The following CCDC117 variants were observed in gnomAD, a reference collection of about 807,000 sequenced individuals.
CCDC117 encodes coiled-coil domain-containing protein 117.
Under a neutral mutation model 23.5 loss-of-function variants are expected in CCDC117, and 1 was observed. The ratio of observed to expected loss-of-function variants is 0.04; its 90% CI spans 0.02 to 0.20. The LOEUF is 0.20. Among genes scored for constraint, CCDC117 ranks in the 10% least tolerant of loss-of-function variants. The pLI, the probability that CCDC117 is intolerant of heterozygous loss-of-function variation, is 1.00. For synonymous variants in CCDC117, 132 were observed against 124.8 expected (o/e 1.06, Z -0.39); for missense variants, 383 against 348.2 (o/e 1.10, Z -0.80).
intron 2 of CCDC117, among the ~76,000 whole-genome samples, chr22:28,778,650 T>G (rs2031238436): frequency 6.6e-6 from 1 of 152,332 alleles, no homozygotes; most frequent in East Asian, 1.9e-4. Flanking sequence ...CGGTTCTCTC[T>G]TAAGATGTTA....
chr22:28,782,773 T>G (rs1480390396), intron 3 of CCDC117, among the ~76,000 whole-genome samples: 1 of 152,036 alleles, frequency 6.6e-6, no homozygotes, highest in South Asian at 2.1e-4. Context: ...GGTTTTGTGA[T>G]GTTGGCCAGG....
chr22:28,778,119 C>T (rs2031223692), intron 2 of CCDC117, among the ~76,000 whole-genome samples: 2 of 152,092 alleles, frequency 1.3e-5, no homozygotes, highest in South Asian at 4.1e-4. Context: ...TGGCCTCGGC[C>T]TCCCAAAGTG....
intron 3 of CCDC117, among the ~76,000 whole-genome samples, chr22:28,782,251 T>C (rs902152412): frequency 7.4e-5 from 4 of 53,716 alleles, no homozygotes; most frequent in Admixed American, 1.6e-4. Context: ...CTACTGAGCC[T>C]TTTTTTTTTT....
intron 2 of CCDC117, among the ~76,000 whole-genome samples, chr22:28,776,155 T>C (rs2031155995): frequency 6.6e-6 from 1 of 152,088 alleles, no homozygotes; most frequent in Non-Finnish European, 1.5e-5. Flanking sequence ...ATGCCTGTAA[T>C]CCCAGCACTT....
At chr22:28,781,846 T>C (rs2031347178) in intron 3 of CCDC117, among the ~76,000 whole-genome samples, 1 of 151,412 alleles carries the variant, frequency 6.6e-6, no homozygotes, top group African/African-American at 2.4e-5. Context: ...TTTCTCCATT[T>C]TGGTCAGGCT....
chr22:28,773,603 A>G, intron 1 of CCDC117, 122 bp from the exon 2 acceptor site: 1 of 755,160 alleles, frequency 1.3e-6, no homozygotes. Flanking sequence ...CCATCCCACT[A>G]GGCTCAGAAA....
chr22:28,784,340 C>T (rs1346211303), intron 4 of CCDC117, among the ~76,000 whole-genome samples: 2 of 152,180 alleles, frequency 1.3e-5, no homozygotes, highest in African/African-American at 4.8e-5. Flanking sequence ...AATGATTAGC[C>T]CAGCTCTAAT....
At position 28,786,072 on chromosome 22, in the gene CCDC117, T is replaced by C. The variant is rs1220510569; in HGVS notation, c.603-17T>C. On this transcript the variant is annotated splice_polypyrimidine_tract_variant and intron_variant, in intron 4 of 4. Transcript: ENST00000249064. Reference sequence around the variant, plus strand: ...GTCCTAAAATTTTTTGATAAAAGTCTGTATTTTATGTCTTAGGAGCCGTCC... The same window carrying C: ...GTCCTAAAATTTTTTGATAAAAGTCCGTATTTTATGTCTTAGGAGCCGTCC... The C allele has an allele frequency of 1.3e-6, 2 of 1,561,866 alleles. No homozygotes were observed. Among genetic ancestry groups the C allele is most frequent in the Admixed American group, 4.2e-5 (2 of 47,750 alleles).
At chr22:28,773,062 A>AGGGC (rs139091725) in intron 1 of CCDC117, 28 bp downstream of exon 1, 42 of 597,834 alleles carry the variant, frequency 7.0e-5, no homozygotes, top group Middle Eastern at 6.9e-4. Context: ...CGCAGGGCGC[A>AGGGC]GGGCGGGCGG....
chr22:28,784,471 C>T (rs1239507061), intron 4 of CCDC117, among the ~76,000 whole-genome samples: 1 of 152,160 alleles, frequency 6.6e-6, no homozygotes, highest in Non-Finnish European at 1.5e-5. Context: ...TCAATAAGGG[C>T]AAGTTTCAGG....
chr22:28,777,632 C>G (rs998180842), intron 2 of CCDC117, among the ~76,000 whole-genome samples: 1 of 151,510 alleles, frequency 6.6e-6, no homozygotes, highest in African/African-American at 2.4e-5. Context: ...GCCTCAGCCT[C>G]GCGAGTTGCT....
chr22:28,773,682 C>A, intron 1 of CCDC117, 43 bp from the exon 2 acceptor site: 1 of 1,509,108 alleles, frequency 6.6e-7, no homozygotes, highest in Non-Finnish European at 9.2e-7. Flanking sequence ...ACCACAAGCT[C>A]GAGTACATTT....
chr22:28,772,715 T>G lies in CCDC117; in HGVS notation c.-135T>G. On this transcript the variant is annotated 5_prime_UTR_variant, in exon 1 of 5. Transcript: ENST00000249064. ...CCCCCGAGCGGCCTGAGGTGGAGGG[T>G]TCTAGAAGGCGTGACGTGGGGTCGA... 1.5e-6 allele frequency: 1 copy of G among 646,534 alleles called. No homozygotes were observed. The highest frequency in any genetic ancestry group is 2.2e-6 in the Non-Finnish European group (1 of 462,886). 40.0% of individuals were successfully genotyped at this position (646,534 alleles called of 1,614,324 possible).
rs1369652646 is a variant in CCDC117 at position 28,785,989 on chromosome 22, A to G, written c.603-100A>G. On this transcript the variant is annotated intron_variant, in intron 4 of 4. Coordinates refer to ENST00000249064, the MANE Select transcript of CCDC117 (RefSeq NM_173510.4). ...GTTCTAAATCTCCTGTTTTGCTATC[A>G]TCAGTCCTTAAGATACTAGGTAATG... is the stretch of plus-strand genomic sequence containing the variant. 6.5e-6 allele frequency: 5 copies of G among 769,380 alleles called. No individual in the cohort carries two copies. The African/African-American group carries it at 7.0e-5, about 11-fold the overall frequency. The allele number at this position is 769,380 out of a possible 1,614,324, so 47.7% of individuals were successfully genotyped here.
chr22:28,775,382 T>C (rs1416134795), intron 2 of CCDC117, among the ~76,000 whole-genome samples: 1 of 152,236 alleles, frequency 6.6e-6, no homozygotes, highest in African/African-American at 2.4e-5. Flanking sequence ...CAATCTACCC[T>C]GACCATTCTT....
Position 28,775,711 on chromosome 22 carries a change from A to G in CCDC117, c.239+1933A>G, listed in dbSNP as rs201409293. On this transcript the variant is annotated intron_variant, in intron 2 of 4. Coordinates refer to ENST00000249064, the MANE Select transcript of CCDC117 (RefSeq NM_173510.4). Reference sequence around the variant, plus strand: ...CAGGAGTTCAAGACCAGCCTGACCAATTTGATGAAACCCCGTCTCTGCTAA... The same window carrying G: ...CAGGAGTTCAAGACCAGCCTGACCAGTTTGATGAAACCCCGTCTCTGCTAA... Among the ~76,000 whole-genome samples the G allele has an allele frequency of 7.8e-4, 118 of 152,206 alleles. No homozygotes were observed. The East Asian group carries it at 0.013, about 17-fold the overall frequency.
intron 3 of CCDC117, among the ~76,000 whole-genome samples, 174 bp downstream of exon 3, chr22:28,781,346 TTTTTTTTTTTTTTTTTTTTTTTG>T (rs1569198955): frequency 2.9e-3 from 28 of 9,704 alleles, no homozygotes; most frequent in South Asian, 0.014. Flanking sequence ...TTTTTTTTTT[TTTTTTTTTTTTTTTTTTTTTTTG>T]AGACGGAGTC....
rs754335519 is a variant in CCDC117, at chr22:28,786,094, G to A, written c.608G>A (p.Arg203His). The change falls in exon 5 of 5, where the codon CGT (arginine) becomes CAT (histidine). Residue 203 changes from arginine to histidine, a missense_variant. Arg to His is a conservative substitution (Grantham distance 29). Transcript: ENST00000249064. ...GTCTGTATTTTATGTCTTAGGAGCC[G>A]TCCTTCCATGGAGCTTGTTCTCTGG... ...FTKKMIESMS[R>H]PSMELVLWKP... 59 of 1,601,774 alleles carry A rather than the reference G, an allele frequency of 3.7e-5. No individual in the cohort carries two copies. The highest frequency in any genetic ancestry group is 8.9e-5 in the East Asian group (4 of 44,824).
chr22:28,780,362 C>T (rs982496755), intron 2 of CCDC117, among the ~76,000 whole-genome samples: 1 of 152,150 alleles, frequency 6.6e-6, no homozygotes, highest in Non-Finnish European at 1.5e-5. Flanking sequence ...CCTCATGAGA[C>T]ATGTTTTTGC....
Sources: gnomAD v4.1 joint callset for allele counts (sites outside exome capture counted in the v4.1 genomes callset) on GRCh38, gnomAD v4.1.1 for gene constraint, MANE v1.5 for transcripts, NCBI Gene and HGNC (gene_info 2026-07-23, HGNC 2026-07-21) for gene names.